The following MRPL18 variants were observed in gnomAD, a reference collection of about 807,000 sequenced individuals.
MRPL18 encodes the protein large ribosomal subunit protein uL18m.
A neutral mutation model predicts 20.9 loss-of-function variants in MRPL18; 16 were observed. The observed-to-expected ratio is 0.76, with a 90% CI of 0.52 to 1.16. The LOEUF (loss-of-function observed/expected upper bound fraction) is 1.16. Among genes scored for constraint, MRPL18 ranks in the 50% most tolerant of loss-of-function variants. The pLI, the probability that MRPL18 is intolerant of heterozygous loss-of-function variation, is 0.00. For missense variants in MRPL18, 233 were observed against 230.6 expected, an observed-to-expected ratio of 1.01 and a Z score of -0.07; for synonymous variants, 91 against 87.1, an observed-to-expected ratio of 1.04 and a Z score of -0.25.
intron 2 of MRPL18, among the ~76,000 whole-genome samples, chr6:159,793,824 G>A (rs1008356885): frequency 2.6e-5 from 4 of 151,988 alleles, no homozygotes; most frequent in Non-Finnish European, 4.4e-5. Context: ...AGACAGGAGA[G>A]TGGCGTGAAC....
At chr6:159,794,289 A>G (rs1304819651) in intron 2 of MRPL18, among the ~76,000 whole-genome samples, 2 of 152,234 alleles carry the variant, frequency 1.3e-5, no homozygotes, top group Non-Finnish European at 2.9e-5. Flanking sequence ...AGTTAAGAGC[A>G]TTGACTCTGG....
At chr6:159,796,216 C>T (rs1351394445) in intron 2 of MRPL18, among the ~76,000 whole-genome samples, 13 of 148,794 alleles carry the variant, frequency 8.7e-5, no homozygotes, top group African/African-American at 3.2e-4. Flanking sequence ...CATGGTGGCT[C>T]AGCCTGTAAC....
At chr6:159,791,158 A>G (rs971709762) in intron 2 of MRPL18, 32 bp downstream of exon 2, 1 of 1,611,394 alleles carries the variant, frequency 6.2e-7, no homozygotes, top group African/African-American at 1.3e-5. Flanking sequence ...TGACAAGGGC[A>G]GTGCACCCTA....
At position 159,798,104 on chromosome 6, in the gene MRPL18, C is replaced by T. The variant is rs12194757; in HGVS notation, c.524C>T (p.Pro175Leu). The change falls in exon 4 of 4, where the codon CCT becomes CTT. Residue 175 changes from proline to leucine, a missense_variant. Physicochemically the swap from Pro to Leu is moderately conservative, Grantham distance 98. Coordinates refer to ENST00000367034, the MANE Select transcript of MRPL18 (RefSeq NM_014161.5). ...GAAGGTGGTGTGGTTCTACGGGAAC[C>T]TCAGAGAATCTATGAATAAATGGAA... Reference protein sequence around the residue: ...MTEGGVVLREPQRIYE With the variant: ...MTEGGVVLRELQRIYE The T allele has an allele frequency of 1.2e-6, 2 of 1,612,870 alleles. No homozygotes were observed. The highest frequency in any genetic ancestry group is 1.7e-5 in the Admixed American group (1 of 59,960).
intron 2 of MRPL18, among the ~76,000 whole-genome samples, chr6:159,791,671 G>A (rs1462309644): frequency 6.6e-6 from 1 of 152,144 alleles, no homozygotes; most frequent in East Asian, 1.9e-4. Context: ...GGAGCCAGCC[G>A]AAGAAGCCGG....
rs754663201 is a variant in MRPL18, at chr6:159,791,075, G to C, written c.188G>C (p.Arg63Thr). ...PRNLELLSVARKERGWRTVFP... is the reference protein window; with the variant it reads ...PRNLELLSVATKERGWRTVFP... ...AACCTGGAGCTTTTATCTGTAGCCA[G>C]GAAAGAGCGGGGCTGGCGGACGGTG... The change falls in exon 2 of 4, where the codon AGG becomes ACG. Residue 63 changes from arginine (R) to threonine (T), a missense_variant. By Grantham distance (71) the Arg-to-Thr change is moderately conservative. Coordinates refer to ENST00000367034, the MANE Select transcript of MRPL18 (RefSeq NM_014161.5). The C allele has an allele frequency of 6.2e-7, 1 of 1,614,202 alleles. No individual in the cohort carries two copies.
chr6:159,795,809 G>C, intron 2 of MRPL18, among the ~76,000 whole-genome samples: 1 of 152,064 alleles, frequency 6.6e-6, no homozygotes, highest in East Asian at 1.9e-4. Flanking sequence ...TTTTGTGACA[G>C]GGTTTCACTC....
chr6:159,792,415 G>A (rs537786505), intron 2 of MRPL18, among the ~76,000 whole-genome samples: 10 of 152,216 alleles, frequency 6.6e-5, no homozygotes, highest in African/African-American at 1.7e-4. Flanking sequence ...TAGGCATTGC[G>A]TTAGAGGCAG....
upstream of MRPL18, chr6:159,790,361 T>A: frequency 7.9e-6 from 5 of 631,286 alleles, no homozygotes; most frequent in South Asian, 9.6e-5. Flanking sequence ...AGGGCCTGCG[T>A]GCCCCTCGAC....
chr6:159,790,391 G>T (rs1388535066), upstream of MRPL18: 16 of 672,362 alleles, frequency 2.4e-5, no homozygotes, highest in Non-Finnish European at 4.1e-5. Context: ...GATTGGCGAT[G>T]AAGGATAACA....
chr6:159,790,332 G>A (rs1455461838), upstream of MRPL18: 2 of 603,468 alleles, frequency 3.3e-6, no homozygotes, highest in African/African-American at 3.7e-5. Flanking sequence ...GCGTAGCTAC[G>A]AGGTGGTTGG....
Position 159,790,994 on chromosome 6 carries a change from T to C in MRPL18, c.107T>C (p.Val36Ala). Residue 36 changes from valine to alanine, a missense_variant, in exon 2 of 4, where the codon GTG (valine) becomes GCG (alanine). Coordinates refer to ENST00000367034, the MANE Select transcript of MRPL18 (RefSeq NM_014161.5). ...TSSEPAAKPEVDPVENEAVAP... is the reference protein window; with the variant it reads ...TSSEPAAKPEADPVENEAVAP... ...TCCGAGCCGGCAGCGAAACCTGAAG[T>C]GGACCCTGTGGAAAATGAAGCTGTC... 6.2e-7 allele frequency: 1 copy of C among 1,614,094 alleles called. No individual in the cohort carries two copies. The highest frequency in any genetic ancestry group is 8.5e-7 in the Non-Finnish European group (1 of 1,180,000).
upstream of MRPL18, chr6:159,790,062 T>C (rs1780823968): frequency 5.7e-6 from 1 of 176,868 alleles, no homozygotes; most frequent in South Asian, 1.1e-4. Flanking sequence ...CTCAGGAGTG[T>C]AAGTTTAAGG....
rs768222993 is a variant in MRPL18, at chr6:159,790,541, C to T, written c.-47C>T. On this transcript the variant is annotated 5_prime_UTR_variant, in exon 1 of 4. Transcript: ENST00000367034. ...GGCTGCTCCTGGCGAGCGACTGAGT[C>T]GTCCGTGAGGAAAAAGAGGCGAGGC... 6 of 1,613,554 alleles carry T rather than the reference C, an allele frequency of 3.7e-6. No homozygotes were observed. The highest frequency in any genetic ancestry group is 2.7e-5 in the African/African-American group (2 of 75,014).
chr6:159,791,082 G>C lies in MRPL18; in HGVS notation c.195G>C (p.Glu65Asp). ...AGCTTTTATCTGTAGCCAGGAAAGA[G>C]CGGGGCTGGCGGACGGTGTTTCCCT... The part of the protein sequence containing the change: ...NLELLSVARK[E>D]RGWRTVFPSR... Residue 65 changes from glutamate to aspartate, a missense_variant, in exon 2 of 4, where the codon GAG (glutamate) becomes GAC (aspartate). Coordinates refer to ENST00000367034, the MANE Select transcript of MRPL18 (RefSeq NM_014161.5). The C allele has an allele frequency of 6.2e-7, 1 of 1,614,232 alleles. No homozygotes were observed. The highest frequency in any genetic ancestry group is 8.5e-7 in the Non-Finnish European group (1 of 1,180,040).
intron 2 of MRPL18, among the ~76,000 whole-genome samples, chr6:159,795,506 AC>A (rs1414996149): frequency 1.3e-5 from 2 of 152,160 alleles, no homozygotes; most frequent in African/African-American, 4.8e-5. Context: ...ATCTTGCACA[AC>A]CCTTAATCCA....
At position 159,798,126 on chromosome 6, in the gene MRPL18, G is replaced by T. The variant is rs1199588482; in HGVS notation, c.*3G>T. ...AACCTCAGAGAATCTATGAATAAATGGAAGCATTAATTGTTTTGAACATGT... is the reference window on the plus strand; with the variant it reads ...AACCTCAGAGAATCTATGAATAAATTGAAGCATTAATTGTTTTGAACATGT... On this transcript the variant is annotated 3_prime_UTR_variant, in exon 4 of 4. Coordinates refer to ENST00000367034, the MANE Select transcript of MRPL18 (RefSeq NM_014161.5). The T allele has an allele frequency of 1.2e-6, 2 of 1,608,300 alleles. No homozygotes were observed. Among genetic ancestry groups the T allele is most frequent in the Non-Finnish European group, 1.7e-6 (2 of 1,175,038 alleles).
At chr6:159,792,693 G>T (rs981265215) in intron 2 of MRPL18, among the ~76,000 whole-genome samples, 2 of 152,216 alleles carry the variant, frequency 1.3e-5, no homozygotes, top group African/African-American at 4.8e-5. Context: ...CTAGAATGCA[G>T]TGGTATGATA....
intron 1 of MRPL18, 114 bp downstream of exon 1, chr6:159,790,753 C>T: frequency 6.8e-7 from 1 of 1,462,900 alleles, no homozygotes; most frequent in South Asian, 1.2e-5. Flanking sequence ...GAGCTCGCGG[C>T]ACTGCGAAGA....
Sources: allele counts gnomAD v4.1 joint callset (sites outside exome capture counted in the v4.1 genomes callset), GRCh38; gene constraint gnomAD v4.1.1; transcripts MANE v1.5; gene names NCBI Gene and HGNC (gene_info 2026-07-23, HGNC 2026-07-21).